MOV10L1: variants seen among roughly 807,000 people sequenced by gnomAD.
The protein encoded by MOV10L1 is RNA helicase Mov10l1.
Under a neutral mutation model 143.8 loss-of-function variants are expected in MOV10L1, and 110 were observed. That is an observed-to-expected ratio of 0.76 (90% confidence interval 0.66 to 0.90). The LOEUF (loss-of-function observed/expected upper bound fraction) is 0.90, where lower values mean the gene tolerates loss of function less well. Among genes scored for constraint, MOV10L1 ranks in the 40% least tolerant of loss-of-function variants. MOV10L1 has a pLI of 0.00. For missense variants in MOV10L1, 1,406 were observed against 1,526.8 expected (o/e 0.92, Z 1.32); for synonymous variants, 593 against 581.1 (o/e 1.02, Z -0.29).
rs1456960823 is a variant in MOV10L1, at chr22:50,158,200, G to A, written c.3210G>A (p.Arg1070=). The change falls in exon 23 of 27, where the codon CGG becomes CGA. Residue 1070 remains arginine, a synonymous_variant. Transcript: ENST00000262794. The surrounding 1 kb of genome is among the most constrained non-coding windows in gnomAD (Gnocchi z 5.0). ...ASDIGVITPY[R]KQVEKIRILL... is the part of the protein sequence containing the mutation. ...ACATTGGCGTCATCACGCCCTACCG[G>A]AAGCAGGTACGCCCTGCCCAGGCAC... The A allele has an allele frequency of 6.2e-7, 1 of 1,614,128 alleles. No homozygotes were observed. Among genetic ancestry groups the A allele is most frequent in the Admixed American group, 1.7e-5 (1 of 60,026 alleles).
chr22:50,090,513 G>A (rs1186978275), intron 1 of MOV10L1: 1 of 1,608,588 alleles, frequency 6.2e-7, no homozygotes, highest in African/African-American at 1.3e-5. Context: ...ATTGGCGGTG[G>A]TGTGTCTAGA....
chr22:50,137,316 T>C (rs1445119187), intron 15 of MOV10L1, among the ~76,000 whole-genome samples: 2 of 152,084 alleles, frequency 1.3e-5, no homozygotes, highest in African/African-American at 4.8e-5. Flanking sequence ...ACACGAAAGA[T>C]ATATAAAAGA....
intron 22 of MOV10L1, among the ~76,000 whole-genome samples, chr22:50,156,037 G>C (rs1023989795): frequency 6.6e-6 from 1 of 152,052 alleles, no homozygotes; most frequent in Non-Finnish European, 1.5e-5. Context: ...GGGCGACAGA[G>C]TGAAACCCTG....
chr22:50,153,337 C>G (rs2063346341), intron 22 of MOV10L1, 119 bp downstream of exon 22: 1 of 1,236,250 alleles, frequency 8.1e-7, no homozygotes. Context: ...TTCTGCTGGT[C>G]TCCAGAGAGT....
intron 3 of MOV10L1, among the ~76,000 whole-genome samples, chr22:50,103,062 G>A (rs538336208): frequency 6.6e-6 from 1 of 152,296 alleles, no homozygotes; most frequent in East Asian, 1.9e-4. Context: ...GAGGGTCCAG[G>A]TAATGCCAGC....
intron 5 of MOV10L1, among the ~76,000 whole-genome samples, chr22:50,109,086 G>C (rs192568346): frequency 2.4e-4 from 37 of 152,306 alleles, no homozygotes; most frequent in African/African-American, 8.2e-4. Flanking sequence ...AGAGGTTGCA[G>C]TGAGCTGAGA....
chr22:50,102,258 A>G (rs1382097093), intron 3 of MOV10L1, among the ~76,000 whole-genome samples: 1 of 152,246 alleles, frequency 6.6e-6, no homozygotes, highest in Admixed American at 6.5e-5. Flanking sequence ...TACAATGTGC[A>G]AAAAGGCTGA....
chr22:50,144,346 A>G lies in MOV10L1; in HGVS notation c.2505+103A>G, dbSNP rs549074854. On this transcript the variant is annotated intron_variant, in intron 18 of 26. Coordinates refer to ENST00000262794, the MANE Select transcript of MOV10L1 (RefSeq NM_018995.3). ...GGCAGGGGTAGGAGGGTGGGCACAG[A>G]GGCGCCACAGAAAGCTGTGTTTGAG... 3.3e-5 allele frequency: 45 copies of G among 1,370,150 alleles called. No individual in the cohort carries two copies. In the East Asian group the frequency reaches 1.1e-3, roughly 33 times the overall value. The allele number at this position is 1,370,150 out of a possible 1,614,324, so 84.9% of individuals were successfully genotyped here.
At chr22:50,095,533 G>C (rs1214303264) in intron 2 of MOV10L1, 1 of 152,216 alleles carries the variant, frequency 6.6e-6, no homozygotes, top group Non-Finnish European at 1.5e-5. Context: ...AACCTGTAGA[G>C]ATGATGTTTA....
intron 3 of MOV10L1, among the ~76,000 whole-genome samples, chr22:50,103,594 C>T (rs2061799301): frequency 6.6e-6 from 1 of 152,140 alleles, no homozygotes; most frequent in South Asian, 2.1e-4. Context: ...CAGGTAGGAT[C>T]CACTGGCCTG....
At chr22:50,134,205 A>G (rs867603576) in intron 14 of MOV10L1, 140 bp downstream of exon 14, 29 of 659,230 alleles carry the variant, frequency 4.4e-5, no homozygotes, top group East Asian at 1.6e-4. Context: ...TTAATTTTCT[A>G]TCAAGTTTTA....
intron 18 of MOV10L1, 142 bp downstream of exon 18, chr22:50,144,385 A>G (rs2063077222): frequency 1.9e-6 from 2 of 1,045,726 alleles, no homozygotes; most frequent in Non-Finnish European, 1.3e-6. Context: ...TGGCTCTGCC[A>G]TGGGCCCTCC....
chr22:50,114,596 T>G lies in MOV10L1; in HGVS notation c.1100T>G (p.Leu367Trp). 1 of 1,614,070 alleles carries G rather than the reference T, an allele frequency of 6.2e-7. No homozygotes were observed. The highest frequency in any genetic ancestry group is 8.5e-7 in the Non-Finnish European group (1 of 1,180,014). The change falls in exon 7 of 27, where the codon TTG (leucine) becomes TGG (tryptophan). Residue 367 changes from leucine to tryptophan, a missense_variant. This residue lies in a region of MOV10L1 where 1,233 missense variants were observed against 1,351.4 expected (regional missense o/e 0.91). Transcript: ENST00000262794. ...ACCTCTCAGATGTCGGAGAGCAGTT[T>G]GGTGAACAACAGAGGAATCTCTCCA... ...NKTSQMSESS[L>W]VNNRGISPGD... is the part of the protein sequence containing the mutation.
At chr22:50,142,672 A>G (rs569144466) in intron 16 of MOV10L1, among the ~76,000 whole-genome samples, 1 of 151,728 alleles carries the variant, frequency 6.6e-6, no homozygotes, top group Non-Finnish European at 1.5e-5. Flanking sequence ...CTATAAAAAA[A>G]AAAAAATACA....
At chr22:50,105,805 A>G (rs1454452357) in intron 3 of MOV10L1, among the ~76,000 whole-genome samples, 1 of 152,234 alleles carries the variant, frequency 6.6e-6, no homozygotes, top group Non-Finnish European at 1.5e-5. Context: ...GCCAGCCCCC[A>G]GTGTCCGTGT....
intron 1 of MOV10L1, 56 bp downstream of exon 1, chr22:50,090,241 G>C (rs1044262581): frequency 2.1e-5 from 29 of 1,401,884 alleles, no homozygotes; most frequent in Non-Finnish European, 2.5e-5. Flanking sequence ...TGTCGGCCAC[G>C]AGGGAGCCGC....
intron 24 of MOV10L1, among the ~76,000 whole-genome samples, chr22:50,160,164 A>G (rs988656618): frequency 6.6e-6 from 1 of 151,688 alleles, no homozygotes; most frequent in Non-Finnish European, 1.5e-5. Context: ...CTGTCTGCAG[A>G]TGGAGTGCCG....
At chr22:50,099,039 A>C (rs191842042) in intron 2 of MOV10L1, among the ~76,000 whole-genome samples, 18 of 152,310 alleles carry the variant, frequency 1.2e-4, no homozygotes, top group East Asian at 5.8e-4. Flanking sequence ...AATCCTTTTA[A>C]TATGCTGCTG....
At position 50,153,129 on chromosome 22, in the gene MOV10L1, G is replaced by A; in HGVS notation, c.2977G>A (p.Val993Ile). ...GCTGTTCTACCACAGGGAACTCGAG[G>A]TCTGTGCGGACCCCACAGTGGTGAC... ...SRLFYHRELE[V>I]CADPTVVTSL... Residue 993 changes from valine (V) to isoleucine (I), a missense_variant, in exon 22 of 27, where the codon GTC (valine) becomes ATC (isoleucine). By Grantham distance (29) the Val-to-Ile change is conservative. Transcript: ENST00000262794. 1 of 1,614,108 alleles carries A rather than the reference G, an allele frequency of 6.2e-7. No individual in the cohort carries two copies. Among genetic ancestry groups the A allele is most frequent in the Non-Finnish European group, 8.5e-7 (1 of 1,179,936 alleles).
Sources: gnomAD v4.1 joint callset for allele counts (sites outside exome capture counted in the v4.1 genomes callset) on GRCh38, gnomAD v4.1.1 for gene constraint, gnomAD v4.1.1 regional missense constraint, Gnocchi (gnomAD v3.1) non-coding constraint, MANE v1.5 for transcripts, NCBI Gene and HGNC (gene_info 2026-07-23, HGNC 2026-07-21) for gene names.